Variants in IRAG1 observed in about 807,000 individuals in gnomAD.
IRAG1 encodes IP3R-associated cGMP kinase substrate.
Under a neutral mutation model 106.2 loss-of-function variants are expected in IRAG1, and 62 were observed. That is an observed-to-expected ratio of 0.58 (90% CI 0.48 to 0.72). The LOEUF is 0.72. Ranked by LOEUF, IRAG1 falls within the 30% of genes least tolerant of loss-of-function variation. The probability of loss-of-function intolerance (pLI) is 0.00; values close to 1 mark genes in which losing one functional copy is unlikely to be tolerated. For missense variants in IRAG1, 1,064 were observed against 1,140.7 expected, an observed-to-expected ratio of 0.93 and a Z score of 0.97; for synonymous variants, 462 against 443.9, an observed-to-expected ratio of 1.04 and a Z score of -0.51.
At chr11:10,671,730 C>CACA (rs72444319) in intron 1 of IRAG1, among the ~76,000 whole-genome samples, 13 of 151,124 alleles carry the variant, frequency 8.6e-5, no homozygotes, top group East Asian at 3.9e-4. Flanking sequence ...CAACAACAAA[C>CACA]ACAACAACAA....
Position 10,626,259 on chromosome 11 carries a change from C to T in IRAG1, c.1075G>A (p.Ala359Thr). The change falls in exon 9 of 21, where the codon GCC becomes ACC. Residue 359 changes from alanine to threonine, a missense_variant. Transcript: ENST00000423302. ...CCAGCTGGGCCTCTCCCCTGGGAGG[C>T]TGGGGGACCCACTCCTGCCGCATCC... ...TQDAAGVGPPASQGRGPAGEP... is the reference protein window; with the variant it reads ...TQDAAGVGPPTSQGRGPAGEP... The T allele has an allele frequency of 6.2e-7, 1 of 1,609,236 alleles. No individual in the cohort carries two copies. Among genetic ancestry groups the T allele is most frequent in the African/African-American group, 1.3e-5 (1 of 74,970 alleles).
At chr11:10,615,844 A>C (rs1855361936) in intron 10 of IRAG1, among the ~76,000 whole-genome samples, 1 of 151,352 alleles carries the variant, frequency 6.6e-6, no homozygotes, top group South Asian at 2.1e-4. Flanking sequence ...ATGACGAGTT[A>C]ATGGGTGCAG....
In IRAG1 at chr11:10,660,538, G is replaced by A. The variant is rs111989370; in HGVS notation, c.68-8356C>T. Among the ~76,000 whole-genome samples, 833 of 152,218 alleles carry A rather than the reference G, an allele frequency of 5.5e-3. 12 individuals carry two copies. Among genetic ancestry groups the A allele is most frequent in the African/African-American group, 0.019 (787 of 41,530 alleles). ...TTTTCCCCCCAGAGAGCTGGCCGTG[G>A]AACATTGCCAGCACACCACTGAGCT... On this transcript the variant is annotated intron_variant, in intron 1 of 20. Transcript: ENST00000423302.
chr11:10,680,498 A>T (rs1275545499), intron 1 of IRAG1, among the ~76,000 whole-genome samples: 4 of 139,504 alleles, frequency 2.9e-5, no homozygotes, highest in Non-Finnish European at 3.1e-5. Context: ...AGGGAGAAAG[A>T]GAGAGAAAGG....
In IRAG1 at chr11:10,580,494, A is replaced by T; in HGVS notation, c.2456T>A (p.Val819Glu). 1 of 1,613,556 alleles carries T rather than the reference A, an allele frequency of 6.2e-7. No individual in the cohort carries two copies. Among genetic ancestry groups the T allele is most frequent in the Middle Eastern group, 1.7e-4 (1 of 6,060 alleles). ...CTTTTCCTCTTCCTCAGTTTCTTCT[A>T]CCTCTTCAGGTTCCTCAGGACTCTC... ...KSESPEEPEE[V>E]EETEEEEKGP... Residue 819 changes from valine to glutamate, a missense_variant, in exon 20 of 21, where the codon GTA (valine) becomes GAA (glutamate). Val to Glu is a moderately radical substitution (Grantham distance 121). Coordinates refer to ENST00000423302, the MANE Select transcript of IRAG1 (RefSeq NM_130385.4).
chr11:10,679,878 G>A (rs1861004815), intron 1 of IRAG1, among the ~76,000 whole-genome samples: 1 of 152,160 alleles, frequency 6.6e-6, no homozygotes, highest in African/African-American at 2.4e-5. Context: ...AAGTAAATGT[G>A]CAGTATAAAT....
chr11:10,685,793 C>T (rs911159019), intron 1 of IRAG1, among the ~76,000 whole-genome samples: 9 of 151,572 alleles, frequency 5.9e-5, no homozygotes, highest in East Asian at 1.9e-4. Flanking sequence ...TCAGTCTCTA[C>T]ATAAGCAATC....
intron 9 of IRAG1, 49 bp downstream of exon 9, chr11:10,625,917 G>A: frequency 7.2e-7 from 1 of 1,393,492 alleles, no homozygotes; most frequent in Non-Finnish European, 9.3e-7. Context: ...CTTCAGCCCA[G>A]GGAGTACCTG....
intron 20 of IRAG1, among the ~76,000 whole-genome samples, chr11:10,577,921 G>A (rs923412231): frequency 2.0e-5 from 3 of 152,196 alleles, no homozygotes; most frequent in African/African-American, 7.2e-5. Flanking sequence ...TGGGAAGGCA[G>A]GGTTTAGAAG....
At chr11:10,634,753 TTGTGTGTGTGTG>T (rs57266330) in intron 2 of IRAG1, among the ~76,000 whole-genome samples, 5 of 144,936 alleles carry the variant, frequency 3.4e-5, no homozygotes, top group East Asian at 2.1e-4. Context: ...AATAATATTC[TTGTGTGTGTGTG>T]TGTGTGTGTG....
chr11:10,626,001 G>A lies in IRAG1; in HGVS notation c.1333C>T (p.Pro445Ser). 2 of 1,502,192 alleles carry A rather than the reference G, an allele frequency of 1.3e-6. No homozygotes were observed. Among genetic ancestry groups the A allele is most frequent in the Non-Finnish European group, 1.8e-6 (2 of 1,125,830 alleles). 93.1% of individuals were successfully genotyped at this position (1,502,192 alleles called of 1,614,324 possible). Residue 445 changes from proline to serine, a missense_variant, in exon 9 of 21, where the codon CCC (proline) becomes TCC (serine). Coordinates refer to ENST00000423302, the MANE Select transcript of IRAG1 (RefSeq NM_130385.4). ...GLKDFQIQVQ[P>S]VRMQKLTKLR... ...TTGGTCAGTTTCTGCATCCGCACGG[G>A]CTGCACTTGTATCTGAAAGTCTTTG...
rs1281949086 is a variant in IRAG1, at chr11:10,576,368, G to A, written c.2703C>T (p.Ser901=). The A allele has an allele frequency of 6.2e-7, 1 of 1,613,816 alleles. No homozygotes were observed. Among genetic ancestry groups the A allele is most frequent in the Non-Finnish European group, 8.5e-7 (1 of 1,179,862 alleles). Residue 901 remains serine (S), a synonymous_variant, in exon 21 of 21, where the codon AGC becomes AGT. Transcript: ENST00000423302. Reference sequence around the variant, plus strand: ...TAGGCTGCTCATGCTGGAGTCCTGAGCTCCACCAGGAGTCCCTCTGGGCTG... The same window carrying A: ...TAGGCTGCTCATGCTGGAGTCCTGAACTCCACCAGGAGTCCCTCTGGGCTG... The part of the protein sequence containing the change: ...CSAAQRDSWW[S]SGLQHEQPTE...
intron 17 of IRAG1, among the ~76,000 whole-genome samples, chr11:10,592,601 C>A (rs966866799): frequency 6.6e-6 from 1 of 152,072 alleles, no homozygotes; most frequent in African/African-American, 2.4e-5. Flanking sequence ...GATAGAGAAA[C>A]CACTGAAGAA....
intron 10 of IRAG1, among the ~76,000 whole-genome samples, chr11:10,623,320 T>A (rs1446383112): frequency 6.6e-6 from 1 of 152,122 alleles, no homozygotes; most frequent in East Asian, 1.9e-4. Context: ...TTCCCCGCCA[T>A]GGTTCTGGCA....
rs1451163113 is a variant in IRAG1, at chr11:10,679,131, G to A, written c.67+14405C>T. Among the ~76,000 whole-genome samples, 3 of 152,138 alleles carry A rather than the reference G, an allele frequency of 2.0e-5. No homozygotes were observed. In the East Asian group the frequency reaches 5.8e-4, roughly 29 times the overall value. On this transcript the variant is annotated intron_variant, in intron 1 of 20. Transcript: ENST00000423302. Reference sequence around the variant, plus strand: ...CTCCTTGGAAGCTTCCAATCTTAGTGTCCTAGTTCTACATGAGACCAGGAG... The same window carrying A: ...CTCCTTGGAAGCTTCCAATCTTAGTATCCTAGTTCTACATGAGACCAGGAG...
chr11:10,676,599 C>T (rs1012460212), intron 1 of IRAG1, among the ~76,000 whole-genome samples: 2 of 152,106 alleles, frequency 1.3e-5, no homozygotes, highest in East Asian at 1.9e-4. Context: ...CTGCTGCAAG[C>T]GTTGCTGAAA....
intron 12 of IRAG1, 132 bp from the exon 13 acceptor site, chr11:10,604,677 T>C: frequency 9.0e-7 from 1 of 1,111,200 alleles, no homozygotes; most frequent in African/African-American, 1.6e-5. Context: ...AGCAGCCATG[T>C]GCAAGGGAAA....
At chr11:10,633,809 T>G (rs1227541027) in intron 3 of IRAG1, among the ~76,000 whole-genome samples, 159 bp downstream of exon 3, 1 of 152,190 alleles carries the variant, frequency 6.6e-6, no homozygotes, top group Non-Finnish European at 1.5e-5. Context: ...AATGGAAAAA[T>G]TCCTATTTCT....
intron 10 of IRAG1, among the ~76,000 whole-genome samples, chr11:10,618,743 G>A (rs147277441): frequency 1.3e-5 from 2 of 152,196 alleles, no homozygotes; most frequent in Non-Finnish European, 2.9e-5. Context: ...ATGAGCTGCC[G>A]AAGGCAGGCC....
Sources: gnomAD v4.1 joint callset for allele counts (sites outside exome capture counted in the v4.1 genomes callset) on GRCh38, gnomAD v4.1.1 for gene constraint, MANE v1.5 for transcripts, NCBI Gene and HGNC (gene_info 2026-07-23, HGNC 2026-07-21) for gene names.